The following CNN3 variants were observed in gnomAD, a reference collection of about 807,000 sequenced individuals.
CNN3 encodes the protein calponin-3.
In CNN3, 11 loss-of-function variants were observed where a neutral mutation model predicts 39.0. The observed-to-expected ratio is 0.28, with a 90% CI of 0.18 to 0.47. The LOEUF is 0.47. CNN3 is among the 20% of genes least tolerant of loss of function. The pLI is 0.99. For missense variants in CNN3, 266 were observed against 403.4 expected, an observed-to-expected ratio of 0.66 and a Z score of 2.92; for synonymous variants, 101 against 138.3, an observed-to-expected ratio of 0.73 and a Z score of 1.89.
Position 94,897,918 on chromosome 1 carries a change from A to G in CNN3, c.814T>C (p.Tyr272His). Reference sequence around the variant, plus strand: ...ACAGGTTCTGTAGGAGCAGCACAGTATTTGGGATCATATACTTGCCGCCCA... The same window carrying G: ...ACAGGTTCTGTAGGAGCAGCACAGTGTTTGGGATCATATACTTGCCGCCCA... ...GLGRQVYDPK[Y>H]CAAPTEPVIH... Residue 272 changes from tyrosine (Y) to histidine (H), a missense_variant, in exon 7 of 7, where the codon TAC becomes CAC. Transcript: ENST00000370206. The G allele has an allele frequency of 6.2e-7, 1 of 1,614,076 alleles. No homozygotes were observed. The highest frequency in any genetic ancestry group is 1.6e-4 in the Middle Eastern group (1 of 6,062).
At chr1:94,917,367 A>C (rs1671312218) in intron 1 of CNN3, among the ~76,000 whole-genome samples, 1 of 152,140 alleles carries the variant, frequency 6.6e-6, no homozygotes, top group South Asian at 2.1e-4. Context: ...CTATTATCAA[A>C]TAATTTGTGG....
At chr1:94,901,589 T>C (rs1670870218) in intron 5 of CNN3, 80 bp downstream of exon 5, 5 of 944,236 alleles carry the variant, frequency 5.3e-6, no homozygotes, top group Non-Finnish European at 8.4e-6. Context: ...TGTCTATTCT[T>C]AGGAGAGGCT....
chr1:94,899,054 TA>T lies in CNN3; in HGVS notation c.648+316del, dbSNP rs964285996. ...TTTTACCTATTAATTAAGGGCTCCT[TA>T]AAAAAAAAAGTCAGCATTTAAATGA... On this transcript the variant is annotated intron_variant, in intron 6 of 6. Transcript: ENST00000370206. 1.3e-3 allele frequency among the ~76,000 whole-genome samples: 194 copies of T among 147,898 alleles called. 1 individual carries two copies. Among genetic ancestry groups the T allele is most frequent in the African/African-American group, 4.5e-3 (181 of 40,420 alleles).
intron 1 of CNN3, among the ~76,000 whole-genome samples, chr1:94,919,145 G>A (rs1164526950): frequency 6.6e-6 from 1 of 152,148 alleles, no homozygotes; most frequent in Non-Finnish European, 1.5e-5. Context: ...AGGAGAGGTA[G>A]GGATGGGGTT....
At chr1:94,905,327 C>T (rs1670967464) in intron 1 of CNN3, among the ~76,000 whole-genome samples, 1 of 152,200 alleles carries the variant, frequency 6.6e-6, no homozygotes, top group African/African-American at 2.4e-5. Flanking sequence ...TTTCCCAGGT[C>T]AAGTAGGTGG....
At chr1:94,909,656 C>A (rs1034606694) in intron 1 of CNN3, among the ~76,000 whole-genome samples, 1 of 152,212 alleles carries the variant, frequency 6.6e-6, no homozygotes, top group African/African-American at 2.4e-5. Flanking sequence ...AGAGCAGATA[C>A]AAGCCTACCA....
intron 1 of CNN3, among the ~76,000 whole-genome samples, chr1:94,909,679 C>T (rs1013906482): frequency 6.6e-6 from 1 of 152,200 alleles, no homozygotes. Context: ...TGCTGGGAAA[C>T]AGCCATGCCC....
In CNN3 at chr1:94,926,874, G is replaced by A; in HGVS notation, c.21C>T (p.Gly7=). The stretch of plus-strand genomic sequence containing the variant: ...CTTCGGCCGAGAGCCCATAGGAAGG[G>A]CCCTTGTTGAAGTGGGTCATGGTGG... MTHFNK[G]PSYGLSAEVK... The change falls in exon 1 of 7, where the codon GGC becomes GGT. Residue 7 remains glycine, a synonymous_variant. Coordinates refer to ENST00000370206, the MANE Select transcript of CNN3 (RefSeq NM_001839.5). The surrounding 1 kb of genome is among the most constrained non-coding windows in gnomAD (Gnocchi z 4.2). 1 of 1,611,200 alleles carries A rather than the reference G, an allele frequency of 6.2e-7. No homozygotes were observed. The highest frequency in any genetic ancestry group is 8.5e-7 in the Non-Finnish European group (1 of 1,178,574).
intron 1 of CNN3, among the ~76,000 whole-genome samples, chr1:94,924,643 T>G (rs1671534194): frequency 6.6e-6 from 1 of 151,496 alleles, no homozygotes; most frequent in Admixed American, 6.6e-5. Flanking sequence ...GAAAAAAAAA[T>G]GGGGGGAAGG....
chr1:94,907,671 T>A (rs892741176), intron 1 of CNN3, among the ~76,000 whole-genome samples: 1 of 152,096 alleles, frequency 6.6e-6, no homozygotes, highest in East Asian at 1.9e-4. Context: ...CCATCCTGGC[T>A]AACACGGTGA....
rs531084514 is a variant in CNN3, at chr1:94,897,449, T to C, written c.*293A>G. 15 of 268,014 alleles carry C rather than the reference T, an allele frequency of 5.6e-5. 1 individual carries two copies. Among genetic ancestry groups the C allele is most frequent in the Non-Finnish European group, 9.9e-5 (14 of 141,944 alleles). 16.6% of individuals were successfully genotyped at this position (268,014 alleles called of 1,614,324 possible). A position where few individuals can be genotyped will look rare whatever the true frequency, so the allele number is the denominator to read the frequency against. On this transcript the variant is annotated 3_prime_UTR_variant, in exon 7 of 7. Transcript: ENST00000370206. Reference sequence around the variant, plus strand: ...ATATAAGATTGTAAAAATGCATAGATTTTTGCATAAAAGAACTGGCTGTAC... The same window carrying C: ...ATATAAGATTGTAAAAATGCATAGACTTTTGCATAAAAGAACTGGCTGTAC...
intron 5 of CNN3, among the ~76,000 whole-genome samples, chr1:94,900,172 T>A (rs1253418648): frequency 6.6e-6 from 1 of 152,190 alleles, no homozygotes; most frequent in Admixed American, 6.5e-5. Context: ...TTCCACTGGT[T>A]AGGCACACTT....
chr1:94,926,725 C>T lies in CNN3; in HGVS notation c.57+113G>A. On this transcript the variant is annotated intron_variant, in intron 1 of 6. Transcript: ENST00000370206. This position sits in a 1 kb window ranked among gnomAD's most constrained non-coding sequence, Gnocchi z 4.2. ...AGACGCTCGCGCCGCCTCGACGGCCCCTCTCCAGGAAAACGGTGAGCCACA... is the reference window on the plus strand; with the variant it reads ...AGACGCTCGCGCCGCCTCGACGGCCTCTCTCCAGGAAAACGGTGAGCCACA... The T allele has an allele frequency of 8.2e-7, 1 of 1,212,962 alleles. No individual in the cohort carries two copies. The allele number at this position is 1,212,962 out of a possible 1,614,324, so 75.1% of individuals were successfully genotyped here. A position where few individuals can be genotyped will look rare whatever the true frequency, so the allele number is the denominator to read the frequency against.
At chr1:94,909,547 A>G (rs3827754) in intron 1 of CNN3, among the ~76,000 whole-genome samples, 36,285 of 152,072 alleles carry the variant, frequency 0.24, 4,573 homozygotes, top group African/African-American at 0.26. Flanking sequence ...CACATATCAC[A>G]TATCACTATT....
At chr1:94,908,286 C>T (rs9432615) in intron 1 of CNN3, among the ~76,000 whole-genome samples, 8,700 of 152,278 alleles carry the variant, frequency 0.057, 321 homozygotes, top group African/African-American at 0.092. Flanking sequence ...TTGGCCTGCT[C>T]TGCTCTCGCT....
At chr1:94,900,385 ATCT>A (rs1670832417) in intron 5 of CNN3, among the ~76,000 whole-genome samples, 1 of 152,202 alleles carries the variant, frequency 6.6e-6, no homozygotes, top group South Asian at 2.1e-4. Flanking sequence ...CTATGTATAT[ATCT>A]ATAGATGCAC....
At chr1:94,902,558 G>A (rs1409911616) in intron 3 of CNN3, among the ~76,000 whole-genome samples, 1 of 152,104 alleles carries the variant, frequency 6.6e-6, no homozygotes, top group African/African-American at 2.4e-5. Flanking sequence ...GAGCTATCCA[G>A]GCCTGGAATT....
intron 1 of CNN3, among the ~76,000 whole-genome samples, chr1:94,911,739 A>G (rs530069972): frequency 6.6e-6 from 1 of 152,274 alleles, no homozygotes; most frequent in East Asian, 1.9e-4. Flanking sequence ...ACTACACTCC[A>G]GCCTGAGTAA....
At chr1:94,908,608 T>C (rs1671076922) in intron 1 of CNN3, among the ~76,000 whole-genome samples, 1 of 152,236 alleles carries the variant, frequency 6.6e-6, no homozygotes, top group Non-Finnish European at 1.5e-5. Flanking sequence ...TAGCGTGATC[T>C]TGGCCCACTG....
Sources: gnomAD v4.1 joint callset for allele counts (sites outside exome capture counted in the v4.1 genomes callset) on GRCh38, gnomAD v4.1.1 for gene constraint, Gnocchi (gnomAD v3.1) non-coding constraint, MANE v1.5 for transcripts, NCBI Gene and HGNC (gene_info 2026-07-23, HGNC 2026-07-21) for gene names.